The following ANKRD6 variants were observed in gnomAD, a reference collection of about 807,000 sequenced individuals.
The protein encoded by ANKRD6 is ankyrin repeat domain-containing protein 6.
Under a neutral mutation model 82.3 loss-of-function variants are expected in ANKRD6, and 56 were observed. The observed-to-expected ratio is 0.68, with a 90% CI of 0.55 to 0.85. ANKRD6 has a LOEUF of 0.85. Ranked by LOEUF, ANKRD6 falls within the 40% of genes least tolerant of loss-of-function variation. The pLI, the probability that ANKRD6 is intolerant of heterozygous loss-of-function variation, is 0.00. For missense variants in ANKRD6, 852 were observed against 907.6 expected, an observed-to-expected ratio of 0.94 and a Z score of 0.79; for synonymous variants, 347 against 352.1, an observed-to-expected ratio of 0.99 and a Z score of 0.16.
At chr6:89,573,041 G>A (rs1343919465) in intron 2 of ANKRD6, among the ~76,000 whole-genome samples, 2 of 152,012 alleles carry the variant, frequency 1.3e-5, no homozygotes, top group Non-Finnish European at 2.9e-5. Context: ...GCTCACTGCA[G>A]CCTTAACCTC....
chr6:89,604,894 T>C (rs557344532), intron 4 of ANKRD6, among the ~76,000 whole-genome samples: 1 of 152,296 alleles, frequency 6.6e-6, no homozygotes, highest in African/African-American at 2.4e-5. Flanking sequence ...AGCCAGAGCC[T>C]GGATGTAATT....
intron 1 of ANKRD6, among the ~76,000 whole-genome samples, chr6:89,481,922 G>A (rs1776862642): frequency 6.6e-6 from 1 of 152,214 alleles, no homozygotes; most frequent in Non-Finnish European, 1.5e-5. Context: ...ACCCAGAACA[G>A]TGCCAGAGGG....
Position 89,567,025 on chromosome 6 carries a change from G to A in ANKRD6, c.49G>A (p.Ala17Thr). ...TGCACTTTCAGAGCGCCTTCTCGTAGCTGCGTACAAAGGCCAAACAGAGAA... is the reference window on the plus strand; with the variant it reads ...TGCACTTTCAGAGCGCCTTCTCGTAACTGCGTACAAAGGCCAAACAGAGAA... ...VAALSERLLVAAYKGQTENVV... is the reference protein window; with the variant it reads ...VAALSERLLVTAYKGQTENVV... The change falls in exon 2 of 16, where the codon GCT becomes ACT. Residue 17 changes from alanine (A) to threonine (T), a missense_variant. By Grantham distance (58) the Ala-to-Thr change is moderately conservative (BLOSUM62 0). Transcript: ENST00000339746. The A allele has an allele frequency of 1.9e-6, 3 of 1,606,916 alleles. No homozygotes were observed. Among genetic ancestry groups the A allele is most frequent in the Non-Finnish European group, 2.5e-6 (3 of 1,176,642 alleles).
At chr6:89,570,055 GTGTGTATA>G (rs1426147981) in intron 2 of ANKRD6, among the ~76,000 whole-genome samples, 4 of 86,874 alleles carry the variant, frequency 4.6e-5, no homozygotes, top group Non-Finnish European at 1.0e-4. Flanking sequence ...GTGTGTGTAT[GTGTGTATA>G]TGTGTGTGTG....
chr6:89,616,959 G>C, intron 8 of ANKRD6: 1 of 542,492 alleles, frequency 1.8e-6, no homozygotes, highest in South Asian at 1.5e-5. Context: ...TACCCAAAGT[G>C]AGTTCCAAGC....
chr6:89,592,872 T>C (rs1795170715), intron 2 of ANKRD6, among the ~76,000 whole-genome samples: 1 of 152,016 alleles, frequency 6.6e-6, no homozygotes, highest in Non-Finnish European at 1.5e-5. Context: ...GAGGATCACT[T>C]GAGACCAGCC....
At chr6:89,502,998 A>G (rs978565060) in intron 1 of ANKRD6, among the ~76,000 whole-genome samples, 3 of 152,072 alleles carry the variant, frequency 2.0e-5, no homozygotes, top group Non-Finnish European at 2.9e-5. Context: ...CACCCTCCCT[A>G]TAGTGCTGCC....
At chr6:89,626,670 C>T (rs150314558) in intron 13 of ANKRD6, among the ~76,000 whole-genome samples, 399 of 152,306 alleles carry the variant, frequency 2.6e-3, no homozygotes, top group African/African-American at 9.1e-3. Flanking sequence ...TGAGCCTTCG[C>T]GGATTGGCTC....
chr6:89,488,814 T>C (rs886300414), intron 1 of ANKRD6, among the ~76,000 whole-genome samples: 1 of 152,224 alleles, frequency 6.6e-6, no homozygotes, highest in African/African-American at 2.4e-5. Flanking sequence ...TACACATACA[T>C]ATATAAACAT....
In ANKRD6 at chr6:89,544,931, G is replaced by A. The variant is rs940936423; in HGVS notation, c.-143-21903G>A. ...TCCTCTAGTAAGAAAGGGATGTTTC[G>A]GGCCAGGCACGGTGGCTCACGCCTG... On this transcript the variant is annotated intron_variant, in intron 1 of 15. Coordinates refer to ENST00000339746, the MANE Select transcript of ANKRD6 (RefSeq NM_001242809.2). 4.0e-5 allele frequency among the ~76,000 whole-genome samples: 6 copies of A among 151,322 alleles called. No individual in the cohort carries two copies. In the East Asian group the frequency reaches 7.9e-4, roughly 20 times the overall value.
chr6:89,466,867 C>T (rs887617660), intron 1 of ANKRD6, among the ~76,000 whole-genome samples: 6 of 152,038 alleles, frequency 3.9e-5, no homozygotes, highest in Non-Finnish European at 5.9e-5. Flanking sequence ...CCACCAAACC[C>T]GGCTAATTTT....
intron 2 of ANKRD6, among the ~76,000 whole-genome samples, chr6:89,590,966 T>C (rs1262454590): frequency 2.0e-5 from 3 of 152,224 alleles, no homozygotes; most frequent in African/African-American, 4.8e-5. Context: ...TTCTGGCCGC[T>C]GCTGTCTCTT....
At chr6:89,491,529 A>G (rs1307942356) in intron 1 of ANKRD6, among the ~76,000 whole-genome samples, 1 of 151,978 alleles carries the variant, frequency 6.6e-6, no homozygotes, top group Non-Finnish European at 1.5e-5. Context: ...TCAGCAAACT[A>G]TTGCAAGAAC....
chr6:89,500,837 G>A (rs1011925282), intron 1 of ANKRD6, among the ~76,000 whole-genome samples: 1 of 152,138 alleles, frequency 6.6e-6, no homozygotes, highest in Non-Finnish European at 1.5e-5. Context: ...AGTTTCTGTT[G>A]ATTCTTGTTG....
At chr6:89,502,023 C>A (rs148036970) in intron 1 of ANKRD6, among the ~76,000 whole-genome samples, 2 of 152,212 alleles carry the variant, frequency 1.3e-5, no homozygotes, top group Admixed American at 1.3e-4. Flanking sequence ...TTAACACTTT[C>A]ACCTAGCCTC....
intron 2 of ANKRD6, among the ~76,000 whole-genome samples, chr6:89,588,822 ATGG>A (rs1794294238): frequency 6.6e-6 from 1 of 152,016 alleles, no homozygotes; most frequent in Non-Finnish European, 1.5e-5. Context: ...CATGGCCAAC[ATGG>A]TGAAACCCTG....
At chr6:89,474,007 A>G (rs776044093) in intron 1 of ANKRD6, among the ~76,000 whole-genome samples, 18 of 152,178 alleles carry the variant, frequency 1.2e-4, no homozygotes, top group Non-Finnish European at 1.2e-4. Flanking sequence ...AAAATTTTCA[A>G]TTTGTAATGG....
rs1214573440 is a variant in ANKRD6, at chr6:89,433,613, C to T, written c.-144+238C>T. 6.6e-6 allele frequency among the ~76,000 whole-genome samples: 1 copy of T among 152,210 alleles called. No individual in the cohort carries two copies. The highest frequency in any genetic ancestry group is 2.4e-5 in the African/African-American group (1 of 41,462). ...TCCCTCTTCGCCTGGCATCAGTTGC[C>T]TCCCTGGAATATGGAACTTCGGGCG... On this transcript the variant is annotated intron_variant, in intron 1 of 15. Transcript: ENST00000339746. The surrounding 1 kb of genome is among the most constrained non-coding windows in gnomAD (Gnocchi z 4.3).
intron 1 of ANKRD6, among the ~76,000 whole-genome samples, chr6:89,554,845 C>T (rs981776139): frequency 6.6e-6 from 1 of 152,090 alleles, no homozygotes; most frequent in African/African-American, 2.4e-5. Context: ...AAGCACAATC[C>T]GAAGACCAAA....
Sources: gnomAD v4.1 joint callset for allele counts (sites outside exome capture counted in the v4.1 genomes callset) on GRCh38, gnomAD v4.1.1 for gene constraint, Gnocchi (gnomAD v3.1) non-coding constraint, MANE v1.5 for transcripts, NCBI Gene and HGNC (gene_info 2026-07-23, HGNC 2026-07-21) for gene names.